Variants in SNX24 observed in about 807,000 individuals in gnomAD.
The protein encoded by SNX24 is sorting nexin-24.
In SNX24, 22 loss-of-function variants were observed where a neutral mutation model predicts 28.7. That is an observed-to-expected ratio of 0.77 (90% CI 0.55 to 1.10). SNX24 has a LOEUF of 1.10. Among genes scored for constraint, SNX24 ranks in the 50% least tolerant of loss-of-function variants. The pLI is 0.00. For synonymous variants in SNX24, 69 were observed against 71.5 expected, an observed-to-expected ratio of 0.96 and a Z score of 0.18; for missense variants, 221 against 201.1, an observed-to-expected ratio of 1.10 and a Z score of -0.60.
At chr5:122,973,322 T>A (rs1315617807) in intron 3 of SNX24, among the ~76,000 whole-genome samples, 1 of 152,214 alleles carries the variant, frequency 6.6e-6, no homozygotes, top group Non-Finnish European at 1.5e-5. Context: ...TACAGCCAGG[T>A]TCACTGCTCA....
chr5:122,982,005 C>T (rs184725986), intron 3 of SNX24, among the ~76,000 whole-genome samples: 15 of 152,288 alleles, frequency 9.8e-5, no homozygotes, highest in South Asian at 2.1e-4. Flanking sequence ...AGGCAGGAAG[C>T]GGAAGAGAGT....
intron 1 of SNX24, among the ~76,000 whole-genome samples, chr5:122,868,978 A>G (rs1304815440): frequency 6.6e-6 from 1 of 152,264 alleles, no homozygotes; most frequent in Non-Finnish European, 1.5e-5. Context: ...GTTCAGATAA[A>G]TATAAAATGA....
At chr5:122,892,534 A>G (rs1404518030) in intron 1 of SNX24, among the ~76,000 whole-genome samples, 1 of 151,408 alleles carries the variant, frequency 6.6e-6, no homozygotes, top group East Asian at 1.9e-4. Context: ...CTGCCTCCCA[A>G]GTTCAAGCAA....
intron 5 of SNX24, chr5:123,023,890 C>G (rs1762807189): frequency 6.2e-7 from 1 of 1,613,566 alleles, no homozygotes; most frequent in Non-Finnish European, 8.5e-7. Flanking sequence ...AATCAGCGAT[C>G]TCAACCACAA....
At chr5:123,004,746 G>A (rs1189343606) in intron 6 of SNX24, among the ~76,000 whole-genome samples, 2 of 152,098 alleles carry the variant, frequency 1.3e-5, no homozygotes, top group Non-Finnish European at 2.9e-5. Flanking sequence ...CAGATGTGCT[G>A]TTTCCTCCAC....
chr5:123,027,438 T>C (rs1762876621), intron 5 of SNX24, among the ~76,000 whole-genome samples: 1 of 152,198 alleles, frequency 6.6e-6, no homozygotes, highest in Non-Finnish European at 1.5e-5. Flanking sequence ...TCAGTCACCA[T>C]TCCTGCCAGC....
chr5:122,879,906 A>C (rs1756400164), intron 1 of SNX24, among the ~76,000 whole-genome samples: 1 of 152,240 alleles, frequency 6.6e-6, no homozygotes. Flanking sequence ...ACTTAGAACA[A>C]TACTTGACCC....
rs1762498148 is a variant in SNX24 at position 123,008,792 on chromosome 5, A to G, written c.*1043A>G. The G allele has an allele frequency of 1.2e-6, 1 of 816,582 alleles. No homozygotes were observed. Among genetic ancestry groups the G allele is most frequent in the Non-Finnish European group, 1.5e-6 (1 of 675,840 alleles). 50.6% of individuals were successfully genotyped at this position (816,582 alleles called of 1,614,324 possible). A position where few individuals can be genotyped will look rare whatever the true frequency, so the allele number is the denominator to read the frequency against. On this transcript the variant is annotated 3_prime_UTR_variant, in exon 7 of 7. Transcript: ENST00000261369. ...CTGACCTCATTTGTTGAGTTAATGTAAGTTAAATGTGTTTATGATATAACT... is the reference window on the plus strand; with the variant it reads ...CTGACCTCATTTGTTGAGTTAATGTGAGTTAAATGTGTTTATGATATAACT...
intron 6 of SNX24, among the ~76,000 whole-genome samples, chr5:123,006,723 C>T (rs929472287): frequency 1.3e-5 from 2 of 152,210 alleles, no homozygotes; most frequent in African/African-American, 4.8e-5. Flanking sequence ...TCTGAACCCT[C>T]CAGGCTCCCT....
At chr5:122,964,198 C>T (rs1760614051) in intron 3 of SNX24, among the ~76,000 whole-genome samples, 1 of 143,030 alleles carries the variant, frequency 7.0e-6, no homozygotes, top group Non-Finnish European at 1.5e-5. Context: ...AGCCGAGATC[C>T]TGCCATTGCA....
rs899521836 is a variant in SNX24 at position 122,898,837 on chromosome 5, A to G, written c.61-37897A>G. ...AACATGCAGCCAGAATTGAGAATCA[A>G]TGGTCTACATGGCTTCTTATTCCTA... is the stretch of plus-strand genomic sequence containing the variant. On this transcript the variant is annotated intron_variant, in intron 1 of 6. Coordinates refer to ENST00000261369, the MANE Select transcript of SNX24 (RefSeq NM_014035.4). Among the ~76,000 whole-genome samples the G allele has an allele frequency of 4.6e-5, 7 of 152,212 alleles. No individual in the cohort carries two copies. In the East Asian group the frequency reaches 5.8e-4, roughly 13 times the overall value.
intron 1 of SNX24, among the ~76,000 whole-genome samples, chr5:122,888,658 A>C (rs1756820784): frequency 6.6e-6 from 1 of 152,074 alleles, no homozygotes; most frequent in Non-Finnish European, 1.5e-5. Context: ...GCTGCCTCCG[A>C]TATGCAGCTT....
intron 6 of SNX24, among the ~76,000 whole-genome samples, chr5:123,007,479 G>A (rs922869252): frequency 1.3e-5 from 2 of 152,114 alleles, no homozygotes; most frequent in Non-Finnish European, 2.9e-5. Context: ...TTCCTGCCGC[G>A]CCTGGTGGTG....
At chr5:122,937,224 G>A (rs1480645846) in intron 2 of SNX24, among the ~76,000 whole-genome samples, 2 of 152,150 alleles carry the variant, frequency 1.3e-5, no homozygotes, top group African/African-American at 2.4e-5. Flanking sequence ...CATGTACCTG[G>A]AAAAGATCAT....
chr5:122,950,716 G>A (rs1298623152), intron 3 of SNX24, among the ~76,000 whole-genome samples: 1 of 152,164 alleles, frequency 6.6e-6, no homozygotes, highest in African/African-American at 2.4e-5. Context: ...ATCCCACTGA[G>A]TTAAGTGAAT....
In SNX24 at chr5:122,973,148, C is replaced by A. The variant is rs200422408; in HGVS notation, c.250-26764C>A. Reference sequence around the variant, plus strand: ...TAGAAATATCTTCACAGGTTTTGACCACTCAGAGGGGTCCATCCACATACC... The same window carrying A: ...TAGAAATATCTTCACAGGTTTTGACAACTCAGAGGGGTCCATCCACATACC... On this transcript the variant is annotated intron_variant, in intron 3 of 6. Coordinates refer to ENST00000261369, the MANE Select transcript of SNX24 (RefSeq NM_014035.4). 3.9e-5 allele frequency among the ~76,000 whole-genome samples: 6 copies of A among 152,288 alleles called. No homozygotes were observed. The East Asian group carries it at 1.2e-3, about 29-fold the overall frequency.
chr5:122,957,613 G>A (rs529964500), intron 3 of SNX24, among the ~76,000 whole-genome samples: 11 of 152,234 alleles, frequency 7.2e-5, no homozygotes, highest in African/African-American at 2.6e-4. Flanking sequence ...ATCACTTTGG[G>A]TAATAGTGAC....
intron 3 of SNX24, among the ~76,000 whole-genome samples, chr5:122,963,227 C>G (rs958226094): frequency 6.6e-6 from 1 of 152,186 alleles, no homozygotes; most frequent in African/African-American, 2.4e-5. Context: ...GAGTGAGACA[C>G]TGTCTCAAAA....
chr5:123,016,354 G>T (rs1446268863), intron 5 of SNX24, among the ~76,000 whole-genome samples: 1 of 152,140 alleles, frequency 6.6e-6, no homozygotes, highest in Non-Finnish European at 1.5e-5. Context: ...GAAGGGTGTT[G>T]CAGGGACATC....
Sources: allele counts gnomAD v4.1 joint callset (sites outside exome capture counted in the v4.1 genomes callset), GRCh38; gene constraint gnomAD v4.1.1; transcripts MANE v1.5; gene names NCBI Gene and HGNC (gene_info 2026-07-23, HGNC 2026-07-21).